MELK: variants seen among roughly 807,000 people sequenced by gnomAD.
The protein encoded by MELK is pEg3 kinase.
MELK carries 81 observed loss-of-function variants against 85.0 expected under a neutral mutation model. The observed-to-expected ratio is 0.95, with a 90% confidence interval of 0.80 to 1.15. The LOEUF (loss-of-function observed/expected upper bound fraction) is 1.15. Among genes scored for constraint, MELK ranks in the 50% most tolerant of loss-of-function variants. The probability of loss-of-function intolerance (pLI) is 0.00; values close to 1 mark genes in which losing one functional copy is unlikely to be tolerated. For missense variants in MELK, 754 were observed against 777.5 expected (o/e 0.97, Z 0.36); for synonymous variants, 252 against 265.0 (o/e 0.95, Z 0.48).
chr9:36,623,951 T>G (rs1016060118), intron 8 of MELK, among the ~76,000 whole-genome samples: 5 of 152,348 alleles, frequency 3.3e-5, no homozygotes, highest in South Asian at 4.1e-4. Flanking sequence ...AGTAATAGTA[T>G]CAGCAGCAGC....
chr9:36,579,778 G>C (rs1822010997), intron 1 of MELK, among the ~76,000 whole-genome samples: 1 of 152,174 alleles, frequency 6.6e-6, no homozygotes, highest in Non-Finnish European at 1.5e-5. Context: ...GTGCATAACA[G>C]GGCCCTACTT....
At chr9:36,630,488 A>G (rs1457765846) in intron 9 of MELK, 121 bp downstream of exon 9, 2 of 753,738 alleles carry the variant, frequency 2.7e-6, no homozygotes, top group East Asian at 5.1e-5. Context: ...ATCTACCTTG[A>G]AAATATCCTC....
chr9:36,650,515 G>C (rs1278838348), intron 11 of MELK, among the ~76,000 whole-genome samples: 1 of 152,164 alleles, frequency 6.6e-6, no homozygotes, highest in Non-Finnish European at 1.5e-5. Context: ...CTAGAATCAA[G>C]AAGAGTATAC....
intron 12 of MELK, among the ~76,000 whole-genome samples, chr9:36,652,808 T>C (rs1009869938): frequency 6.6e-6 from 1 of 151,336 alleles, no homozygotes; most frequent in East Asian, 1.9e-4. Context: ...ATAAACCAAC[T>C]ACCTGTGGAG....
chr9:36,589,472 TA>T, intron 3 of MELK, 63 bp from the exon 4 acceptor site: 1 of 1,296,246 alleles, frequency 7.7e-7, no homozygotes. Flanking sequence ...AAGCTGTTAG[TA>T]TTGGAGCTTG....
intron 8 of MELK, among the ~76,000 whole-genome samples, chr9:36,627,166 G>A (rs909301486): frequency 1.1e-4 from 17 of 151,904 alleles, no homozygotes; most frequent in Admixed American, 5.3e-4. Flanking sequence ...CAGCATTGGG[G>A]TTCTCTGTTC....
chr9:36,585,509 G>A (rs1822802099), intron 3 of MELK, among the ~76,000 whole-genome samples: 1 of 152,028 alleles, frequency 6.6e-6, no homozygotes, highest in South Asian at 2.1e-4. Context: ...ATTTCATCAT[G>A]TTGGTCAGGC....
intron 8 of MELK, among the ~76,000 whole-genome samples, chr9:36,615,001 C>G (rs1262536063): frequency 6.8e-6 from 1 of 147,226 alleles, no homozygotes; most frequent in Non-Finnish European, 1.5e-5. Flanking sequence ...TCCTCACTTC[C>G]CAGTAGGGGC....
intron 11 of MELK, among the ~76,000 whole-genome samples, chr9:36,648,434 C>A (rs1042873284): frequency 6.6e-6 from 1 of 152,182 alleles, no homozygotes; most frequent in African/African-American, 2.4e-5. Context: ...TGGGTTAGAA[C>A]CCTAGATTCC....
chr9:36,660,865 C>T (rs1302136696), intron 13 of MELK, among the ~76,000 whole-genome samples: 1 of 152,074 alleles, frequency 6.6e-6, no homozygotes, highest in Non-Finnish European at 1.5e-5. Flanking sequence ...GTGGCACATG[C>T]CTGTAATCCC....
At position 36,637,980 on chromosome 9, in the gene MELK, C is replaced by T. The variant is rs563935972; in HGVS notation, c.834+4780C>T. ...AAAGCAGAATGTGCAAGTGTCTGAG[C>T]AGTGTAGCAGCAGAACCAGGGAAGC... On this transcript the variant is annotated intron_variant, in intron 10 of 17. Transcript: ENST00000298048. Among the ~76,000 whole-genome samples, 67 of 152,246 alleles carry T rather than the reference C, an allele frequency of 4.4e-4. 1 individual carries two copies. The highest frequency in any genetic ancestry group is 1.2e-3 in the South Asian group (6 of 4,816).
intron 8 of MELK, among the ~76,000 whole-genome samples, chr9:36,622,548 A>C (rs2136255155): frequency 6.6e-6 from 1 of 152,304 alleles, no homozygotes; most frequent in African/African-American, 2.4e-5. Context: ...AATCTTATTA[A>C]TGTTACCTAT....
intron 8 of MELK, among the ~76,000 whole-genome samples, chr9:36,624,422 C>T (rs1342462550): frequency 6.6e-6 from 1 of 152,146 alleles, no homozygotes; most frequent in Non-Finnish European, 1.5e-5. Context: ...ATAACTCTTA[C>T]AAGCCCATGG....
chr9:36,651,837 C>G lies in MELK; in HGVS notation c.1013C>G (p.Ser338Cys), dbSNP rs1450719235. 6.2e-7 allele frequency: 1 copy of G among 1,613,914 alleles called. No homozygotes were observed. The highest frequency in any genetic ancestry group is 1.3e-5 in the African/African-American group (1 of 74,878). ...GTTCGTTTAAGGCTTTCTTCTTTCTCCTGTGGACAAGCCAGTGCTACCCCA... is the reference window on the plus strand; with the variant it reads ...GTTCGTTTAAGGCTTTCTTCTTTCTGCTGTGGACAAGCCAGTGCTACCCCA... ...KPVRLRLSSF[S>C]CGQASATPFT... The change falls in exon 12 of 18, where the codon TCC (serine) becomes TGC (cysteine). Residue 338 changes from serine (S) to cysteine (C), a missense_variant. Coordinates refer to ENST00000298048, the MANE Select transcript of MELK (RefSeq NM_014791.4).
intron 4 of MELK, among the ~76,000 whole-genome samples, chr9:36,592,999 G>C (rs150681798): frequency 2.0e-3 from 297 of 152,220 alleles, no homozygotes; most frequent in African/African-American, 6.8e-3. Context: ...TATCACAGCA[G>C]ATCAGTTTAA....
intron 8 of MELK, among the ~76,000 whole-genome samples, chr9:36,618,959 A>AT (rs60381894): frequency 0.13 from 18,042 of 141,602 alleles, 1,469 homozygotes; most frequent in East Asian, 0.33. Flanking sequence ...AACTCTAAGT[A>AT]TTTTTTTTTT....
At chr9:36,620,514 T>C (rs1827289154) in intron 8 of MELK, among the ~76,000 whole-genome samples, 1 of 151,916 alleles carries the variant, frequency 6.6e-6, no homozygotes, top group Non-Finnish European at 1.5e-5. Flanking sequence ...TTCTTCACAT[T>C]CAATTTTTCT....
chr9:36,614,099 CT>C (rs112322490), intron 8 of MELK, among the ~76,000 whole-genome samples: 420 of 139,578 alleles, frequency 3.0e-3, no homozygotes, highest in Middle Eastern at 3.6e-3. Flanking sequence ...TACTAGATGT[CT>C]TTTTTTTTTT....
At chr9:36,627,990 C>T (rs1828108623) in intron 8 of MELK, among the ~76,000 whole-genome samples, 1 of 152,124 alleles carries the variant, frequency 6.6e-6, no homozygotes, top group Non-Finnish European at 1.5e-5. Flanking sequence ...CAACCTCCAC[C>T]TCCCGGGTTC....
Sources: allele counts gnomAD v4.1 joint callset (sites outside exome capture counted in the v4.1 genomes callset), GRCh38; gene constraint gnomAD v4.1.1; transcripts MANE v1.5; gene names NCBI Gene and HGNC (gene_info 2026-07-23, HGNC 2026-07-21).